UBE3C: variants seen among roughly 807,000 people sequenced by gnomAD.
UBE3C encodes the protein ubiquitin-protein ligase E3C.
In UBE3C, 42 loss-of-function variants were observed where a neutral mutation model predicts 129.4. The ratio of observed to expected loss-of-function variants is 0.32; its 90% CI spans 0.25 to 0.42. The LOEUF is 0.42. UBE3C is among the 10% of genes least tolerant of loss of function. UBE3C has a pLI of 1.00. For synonymous variants in UBE3C, 510 were observed against 492.4 expected, an observed-to-expected ratio of 1.04 and a Z score of -0.47; for missense variants, 1,049 against 1,319.1, an observed-to-expected ratio of 0.80 and a Z score of 3.17.
chr7:157,162,897 A>G (rs1808110158), intron 1 of UBE3C, among the ~76,000 whole-genome samples: 1 of 152,148 alleles, frequency 6.6e-6, no homozygotes, highest in South Asian at 2.1e-4. Flanking sequence ...TCTTTGGGGG[A>G]GAAGAGGGTT....
intron 18 of UBE3C, among the ~76,000 whole-genome samples, chr7:157,246,891 TA>T (rs1268533370): frequency 2.0e-5 from 3 of 152,092 alleles, no homozygotes; most frequent in African/African-American, 7.2e-5. Flanking sequence ...GAAGACTGGA[TA>T]TTTTCTCTTT....
intron 11 of UBE3C, 99 bp from the exon 12 acceptor site, chr7:157,207,299 T>G: frequency 6.7e-7 from 1 of 1,491,400 alleles, no homozygotes; most frequent in East Asian, 2.3e-5. Flanking sequence ...AAATGTTACT[T>G]TCCCTGATTA....
intron 21 of UBE3C, among the ~76,000 whole-genome samples, chr7:157,254,901 A>G (rs950297468): frequency 1.3e-5 from 2 of 149,496 alleles, no homozygotes; most frequent in African/African-American, 5.0e-5. Flanking sequence ...GCGTGGTGGC[A>G]TACACCTGCA....
intron 12 of UBE3C, 37 bp downstream of exon 12, chr7:157,207,592 T>C: frequency 6.2e-7 from 1 of 1,601,776 alleles, no homozygotes; most frequent in Non-Finnish European, 8.5e-7. Context: ...TGCTGGCCAC[T>C]TGGCCCATCA....
chr7:157,250,860 C>A (rs752929992), intron 19 of UBE3C, among the ~76,000 whole-genome samples: 1 of 152,140 alleles, frequency 6.6e-6, no homozygotes, highest in Non-Finnish European at 1.5e-5. Flanking sequence ...GTTGTGGTGA[C>A]CTGCCTGAGG....
At chr7:157,256,506 T>C (rs1275528665) in intron 21 of UBE3C, among the ~76,000 whole-genome samples, 2 of 74,914 alleles carry the variant, frequency 2.7e-5, no homozygotes, top group East Asian at 8.1e-4. Context: ...TCCACATAAT[T>C]GGCGGTGGGT....
intron 18 of UBE3C, among the ~76,000 whole-genome samples, chr7:157,247,763 G>A (rs532003741): frequency 6.6e-6 from 1 of 152,176 alleles, no homozygotes; most frequent in African/African-American, 2.4e-5. Context: ...TTGGAACATA[G>A]CCACCCTCAC....
At chr7:157,188,805 A>AT (rs3839847) in intron 10 of UBE3C, 27,376 of 413,676 alleles carry the variant, frequency 0.066, 4,420 homozygotes, top group African/African-American at 0.41. Flanking sequence ...TTCAATTTTG[A>AT]TTTTTTTAAA....
At chr7:157,234,451 G>C (rs1796102499) in intron 18 of UBE3C, among the ~76,000 whole-genome samples, 1 of 152,192 alleles carries the variant, frequency 6.6e-6, no homozygotes, top group Non-Finnish European at 1.5e-5. Flanking sequence ...GTATGGTCTT[G>C]ATTACTGTAG....
Position 157,174,905 on chromosome 7 carries a change from T to C in UBE3C, c.343-14T>C. On this transcript the variant is annotated splice_polypyrimidine_tract_variant and intron_variant, in intron 4 of 22. Transcript: ENST00000348165. ...TTCATTGAGAGTTGTATATTTTATG[T>C]TTTGCTGTTTCAGATATGGCTGTAT... 1.3e-6 allele frequency: 2 copies of C among 1,566,244 alleles called. No individual in the cohort carries two copies. The highest frequency in any genetic ancestry group is 1.7e-6 in the Non-Finnish European group (2 of 1,156,252).
intron 10 of UBE3C, among the ~76,000 whole-genome samples, chr7:157,187,382 T>G (rs1352029776): frequency 2.5e-5 from 2 of 80,126 alleles, no homozygotes; most frequent in African/African-American, 7.7e-5. Flanking sequence ...TTTTATGGGG[T>G]TTTTTTTTTT....
chr7:157,267,881 C>T lies in UBE3C; in HGVS notation c.*126C>T, dbSNP rs1295385173. 9 of 708,530 alleles carry T rather than the reference C, an allele frequency of 1.3e-5. No homozygotes were observed. Among genetic ancestry groups the T allele is most frequent in the South Asian group, 5.4e-5 (2 of 37,142 alleles). The allele number at this position is 708,530 out of a possible 1,614,324, so 43.9% of individuals were successfully genotyped here. On this transcript the variant is annotated 3_prime_UTR_variant, in exon 23 of 23. Transcript: ENST00000348165. ...CTCCTAAGCTCCTTCTTTCATTCTG[C>T]CATTCCTCCCTCCCTTCCTTTTTTA...
intron 17 of UBE3C, among the ~76,000 whole-genome samples, chr7:157,225,791 A>C (rs112332230): frequency 0.013 from 1,965 of 152,220 alleles, 34 homozygotes; most frequent in African/African-American, 0.045. Flanking sequence ...TCAACAACAA[A>C]AAAAGTGAGC....
intron 10 of UBE3C, among the ~76,000 whole-genome samples, chr7:157,196,825 T>C (rs1010683942): frequency 7.9e-5 from 12 of 151,948 alleles, no homozygotes; most frequent in African/African-American, 2.9e-4. Context: ...AAAAATGAGC[T>C]GGGCGTGGTG....
At chr7:157,259,262 G>A (rs1584828865) in intron 22 of UBE3C, among the ~76,000 whole-genome samples, 1 of 152,216 alleles carries the variant, frequency 6.6e-6, no homozygotes, top group African/African-American at 2.4e-5. Flanking sequence ...GTCCCTTCGC[G>A]TCCTTCATAG....
intron 21 of UBE3C, chr7:157,256,573 C>T (rs1796757753): frequency 5.8e-6 from 1 of 171,348 alleles, no homozygotes. Context: ...ATCGGTCCTT[C>T]ATATCTGTGG....
At chr7:157,196,169 C>T (rs368023996) in intron 10 of UBE3C, among the ~76,000 whole-genome samples, 3 of 152,244 alleles carry the variant, frequency 2.0e-5, no homozygotes, top group South Asian at 4.1e-4. Context: ...CCAAGGAATG[C>T]GGATGTTCTC....
chr7:157,216,451 C>T (rs1212465629), intron 13 of UBE3C, among the ~76,000 whole-genome samples: 4 of 151,476 alleles, frequency 2.6e-5, no homozygotes, highest in Non-Finnish European at 5.9e-5. Context: ...CCTTAGATCA[C>T]TCAGGTATTA....
chr7:157,151,886 C>T (rs1383567635), intron 1 of UBE3C, among the ~76,000 whole-genome samples: 1 of 152,066 alleles, frequency 6.6e-6, no homozygotes. Context: ...AGGGGAGCAT[C>T]ACAGTAAAGT....
Sources: allele counts gnomAD v4.1 joint callset (sites outside exome capture counted in the v4.1 genomes callset), GRCh38; gene constraint gnomAD v4.1.1; transcripts MANE v1.5; gene names NCBI Gene and HGNC (gene_info 2026-07-23, HGNC 2026-07-21).